LHPP: variants seen among roughly 807,000 people sequenced by gnomAD.
LHPP encodes hLHPP.
In LHPP, 24 loss-of-function variants were observed where a neutral mutation model predicts 30.3. The observed-to-expected ratio is 0.79, with a 90% CI of 0.57 to 1.11. The LOEUF (loss-of-function observed/expected upper bound fraction) is 1.11. Ranked by LOEUF, LHPP falls within the 50% of genes most tolerant of loss-of-function variation. The pLI, the probability that LHPP is intolerant of heterozygous loss-of-function variation, is 0.00. For missense variants in LHPP, 356 were observed against 367.2 expected (o/e 0.97, Z 0.25); for synonymous variants, 150 against 157.1 (o/e 0.95, Z 0.34).
intron 2 of LHPP, among the ~76,000 whole-genome samples, chr10:124,486,279 C>T (rs2361623): frequency 0.018 from 2,801 of 152,206 alleles, 75 homozygotes; most frequent in East Asian, 0.12. Flanking sequence ...ACCCCTTGTC[C>T]CCTTAGAGGC....
At chr10:124,584,318 T>C (rs1948775582) in intron 6 of LHPP, among the ~76,000 whole-genome samples, 1 of 147,194 alleles carries the variant, frequency 6.8e-6, no homozygotes, top group Non-Finnish European at 1.5e-5. Flanking sequence ...TGAACCATGA[T>C]CCACTATTGC....
intron 6 of LHPP, among the ~76,000 whole-genome samples, chr10:124,542,989 C>T (rs1054238767): frequency 3.3e-5 from 5 of 152,208 alleles, no homozygotes; most frequent in African/African-American, 9.7e-5. Flanking sequence ...GAGTGTCTGT[C>T]GTTGCCCCTG....
At chr10:124,536,363 C>T (rs1955027822) in intron 6 of LHPP, among the ~76,000 whole-genome samples, 1 of 152,230 alleles carries the variant, frequency 6.6e-6, no homozygotes, top group Non-Finnish European at 1.5e-5. Context: ...GGTAGTGTTC[C>T]CGCATGCAGT....
rs375354706 is a variant in LHPP at position 124,575,781 on chromosome 10, A to G, written c.717-37483A>G. Among the ~76,000 whole-genome samples the G allele has an allele frequency of 5.5e-4, 83 of 152,008 alleles. 1 individual carries two copies. The South Asian group carries it at 0.015, about 28-fold the overall frequency. ...GTCCCCTGCACTCTCACCACCTCCA[A>G]CTTGCATCCCGGTCCCCCACACCCT... On this transcript the variant is annotated intron_variant, in intron 6 of 6. Coordinates refer to ENST00000368842, the MANE Select transcript of LHPP (RefSeq NM_022126.4).
At chr10:124,565,897 T>C (rs961341114) in intron 6 of LHPP, among the ~76,000 whole-genome samples, 14 of 152,114 alleles carry the variant, frequency 9.2e-5, no homozygotes, top group African/African-American at 3.4e-4. Flanking sequence ...CTGCAGGAGC[T>C]AAGGAGAAAT....
chr10:124,577,288 G>A lies in LHPP; in HGVS notation c.717-35976G>A, dbSNP rs183154233. Among the ~76,000 whole-genome samples, 357 of 152,252 alleles carry A rather than the reference G, an allele frequency of 2.3e-3. 1 individual carries two copies. The highest frequency in any genetic ancestry group is 8.0e-3 in the African/African-American group (333 of 41,560). On this transcript the variant is annotated intron_variant, in intron 6 of 6. Coordinates refer to ENST00000368842, the MANE Select transcript of LHPP (RefSeq NM_022126.4). ...AACCCAAGACTAGACCATCCCCAGCGTCCACCCCAGCCTCCTGGGCACAGG... is the reference window on the plus strand; with the variant it reads ...AACCCAAGACTAGACCATCCCCAGCATCCACCCCAGCCTCCTGGGCACAGG...
chr10:124,521,643 G>A (rs1444068593), intron 6 of LHPP, among the ~76,000 whole-genome samples: 1 of 152,196 alleles, frequency 6.6e-6, no homozygotes, highest in Non-Finnish European at 1.5e-5. Flanking sequence ...GCCCTGCAGT[G>A]AGTAACTGCG....
At chr10:124,606,228 C>T (rs1207645036) in intron 6 of LHPP, among the ~76,000 whole-genome samples, 1 of 151,864 alleles carries the variant, frequency 6.6e-6, no homozygotes, top group African/African-American at 2.4e-5. Context: ...GGCACTCTGG[C>T]TTAGTGAAGA....
chr10:124,501,871 T>C (rs549321379), intron 5 of LHPP, among the ~76,000 whole-genome samples: 1 of 152,024 alleles, frequency 6.6e-6, no homozygotes, highest in East Asian at 1.9e-4. Flanking sequence ...TGGAATCCAA[T>C]CTGAAGAAGC....
At chr10:124,587,738 TAAAAAAAAAAAA>T (rs747954796) in intron 6 of LHPP, among the ~76,000 whole-genome samples, 9 of 53,012 alleles carry the variant, frequency 1.7e-4, no homozygotes, top group African/African-American at 6.0e-4. Context: ...AGACTCCATC[TAAAAAAAAAAAA>T]AAAAAAAAAA....
chr10:124,521,208 A>G (rs2075496064), intron 6 of LHPP, among the ~76,000 whole-genome samples: 1 of 152,110 alleles, frequency 6.6e-6, no homozygotes, highest in African/African-American at 2.4e-5. Flanking sequence ...CTCCCTATGG[A>G]TGTGTGGCCA....
intron 5 of LHPP, among the ~76,000 whole-genome samples, chr10:124,516,261 C>T (rs899976879): frequency 2.6e-5 from 4 of 152,228 alleles, no homozygotes; most frequent in Non-Finnish European, 5.9e-5. Context: ...CTCCCATGGC[C>T]TCTCCTCTGT....
At chr10:124,513,564 A>G (rs1349276047) in intron 5 of LHPP, among the ~76,000 whole-genome samples, 1 of 136,604 alleles carries the variant, frequency 7.3e-6, no homozygotes, top group Non-Finnish European at 1.5e-5. Context: ...TCCCAGGTTC[A>G]AGCAATTCGT....
At chr10:124,501,163 A>G (rs1181948402) in intron 5 of LHPP, among the ~76,000 whole-genome samples, 1 of 151,992 alleles carries the variant, frequency 6.6e-6, no homozygotes, top group African/African-American at 2.4e-5. Flanking sequence ...AAGGACACAT[A>G]TTGTATTCTT....
chr10:124,481,313 C>T (rs1357880585), intron 1 of LHPP, among the ~76,000 whole-genome samples: 1 of 150,796 alleles, frequency 6.6e-6, no homozygotes, highest in Non-Finnish European at 1.5e-5. Flanking sequence ...CACTACCACT[C>T]ATGGCTGTAT....
At chr10:124,506,744 T>G (rs369420472) in intron 5 of LHPP, among the ~76,000 whole-genome samples, 1 of 28,748 alleles carries the variant, frequency 3.5e-5, no homozygotes, top group Non-Finnish European at 5.9e-5. Context: ...GATTTCAGGT[T>G]GGGGGGTAGG....
chr10:124,525,488 C>T (rs1447547641), intron 6 of LHPP, among the ~76,000 whole-genome samples: 1 of 152,230 alleles, frequency 6.6e-6, no homozygotes, highest in Non-Finnish European at 1.5e-5. Context: ...GGCCCATGTT[C>T]TTCCCAGTTT....
chr10:124,557,364 C>G (rs1297256992), intron 6 of LHPP, among the ~76,000 whole-genome samples: 1 of 152,210 alleles, frequency 6.6e-6, no homozygotes, highest in Non-Finnish European at 1.5e-5. Flanking sequence ...TAGTGCTCAC[C>G]AAATGCCTGT....
At chr10:124,498,607 C>A in intron 5 of LHPP, 1 of 773,980 alleles carries the variant, frequency 1.3e-6, no homozygotes, top group Non-Finnish European at 2.1e-6. Context: ...CTACACCTAC[C>A]CCAACCCTAA....
Sources: allele counts gnomAD v4.1 joint callset (sites outside exome capture counted in the v4.1 genomes callset), GRCh38; gene constraint gnomAD v4.1.1; transcripts MANE v1.5; gene names NCBI Gene and HGNC (gene_info 2026-07-23, HGNC 2026-07-21).